The following MAP3K19 variants were observed in gnomAD, a reference collection of about 807,000 sequenced individuals.
MAP3K19 encodes mitogen-activated protein kinase kinase kinase 19, also known as SPS1/STE20-related protein kinase YSK4.
A neutral mutation model predicts 114.4 loss-of-function variants in MAP3K19; 91 were observed. The ratio of observed to expected loss-of-function variants is 0.80; its 90% CI spans 0.67 to 0.95. MAP3K19 has a LOEUF of 0.95. Ranked by LOEUF, MAP3K19 falls within the 40% of genes least tolerant of loss-of-function variation. The pLI is 0.00. For missense variants in MAP3K19, 1,471 were observed against 1,573.2 expected, an observed-to-expected ratio of 0.94 and a Z score of 1.10; for synonymous variants, 518 against 530.5, an observed-to-expected ratio of 0.98 and a Z score of 0.32.
At chr2:135,000,594 G>A (rs570164588) in intron 6 of MAP3K19, among the ~76,000 whole-genome samples, 3 of 152,180 alleles carry the variant, frequency 2.0e-5, no homozygotes, top group Admixed American at 6.5e-5. Context: ...TCCATTTAAC[G>A]AACTTTTATT....
At chr2:135,030,041 C>T (rs1285791471) in intron 3 of MAP3K19, among the ~76,000 whole-genome samples, 3 of 152,130 alleles carry the variant, frequency 2.0e-5, no homozygotes, top group African/African-American at 4.8e-5. Flanking sequence ...CTGGAGGCTT[C>T]CTGGGAGCAA....
chr2:135,028,647 C>T (rs997491078), intron 3 of MAP3K19, among the ~76,000 whole-genome samples: 3 of 152,056 alleles, frequency 2.0e-5, no homozygotes, highest in African/African-American at 4.8e-5. Context: ...TAATTTGATG[C>T]CTTAATGAAA....
chr2:135,025,903 G>T (rs1688243326), intron 3 of MAP3K19, among the ~76,000 whole-genome samples: 1 of 152,304 alleles, frequency 6.6e-6, no homozygotes, highest in East Asian at 1.9e-4. Context: ...ATAGATTACA[G>T]TGAGGGAAAC....
chr2:135,042,420 T>A (rs1485807167), intron 1 of MAP3K19, among the ~76,000 whole-genome samples: 1 of 146,192 alleles, frequency 6.8e-6, no homozygotes, highest in African/African-American at 2.5e-5. Flanking sequence ...GAGAATGGCG[T>A]GAACCCAGGA....
chr2:135,021,931 A>G (rs534567137), intron 4 of MAP3K19, 101 bp from the exon 5 acceptor site: 1 of 670,524 alleles, frequency 1.5e-6, no homozygotes, highest in African/African-American at 1.9e-5. Flanking sequence ...CATTTTGTCA[A>G]AGATTTTCCT....
chr2:134,998,954 C>T lies in MAP3K19; in HGVS notation c.358G>A (p.Val120Ile). Reference protein sequence around the residue: ...SLQEWAQAHAVSHPNEIETVE... With the variant: ...SLQEWAQAHAISHPNEIETVE... ...GTTTCTATTTCATTTGGATGAGAAA[C>T]TGCATGTGCTTGTGCCCATTCTTGA... The change falls in exon 8 of 13, where the codon GTT becomes ATT. Residue 120 changes from valine to isoleucine, a missense_variant. Transcript: ENST00000392915. 1 of 1,614,136 alleles carries T rather than the reference C, an allele frequency of 6.2e-7. No individual in the cohort carries two copies.
At chr2:134,968,141 A>C (rs1008064050) in intron 12 of MAP3K19, among the ~76,000 whole-genome samples, 1 of 152,136 alleles carries the variant, frequency 6.6e-6, no homozygotes, top group East Asian at 1.9e-4. Flanking sequence ...CCCTGAGTGG[A>C]CACAGCACAT....
At chr2:135,037,593 C>G (rs1456552246) in intron 2 of MAP3K19, among the ~76,000 whole-genome samples, 1 of 152,112 alleles carries the variant, frequency 6.6e-6, no homozygotes, top group Non-Finnish European at 1.5e-5. Context: ...CTCCATGGGT[C>G]TCTTACATTT....
At chr2:135,009,083 C>T (rs1687033027) in intron 5 of MAP3K19, among the ~76,000 whole-genome samples, 1 of 151,608 alleles carries the variant, frequency 6.6e-6, no homozygotes, top group African/African-American at 2.4e-5. Flanking sequence ...TCCCAAGTAG[C>T]TGGGGTTACA....
intron 11 of MAP3K19, 33 bp from the exon 12 acceptor site, chr2:134,981,551 A>T: frequency 6.8e-7 from 1 of 1,468,230 alleles, no homozygotes; most frequent in Non-Finnish European, 9.4e-7. Context: ...TTGTTATTAA[A>T]TTAATGACAT....
chr2:134,998,766 A>C lies in MAP3K19; in HGVS notation c.546T>G (p.Phe182Leu). The C allele has an allele frequency of 1.2e-6, 2 of 1,601,118 alleles. No homozygotes were observed. The highest frequency in any genetic ancestry group is 1.7e-6 in the Non-Finnish European group (2 of 1,173,042). Residue 182 changes from phenylalanine (F) to leucine (L), a missense_variant, in exon 8 of 13, where the codon TTT (phenylalanine) becomes TTG (leucine). Transcript: ENST00000392915. ...KSVTREDAPH[F>L]LKEQQRKSEE... is the part of the protein sequence containing the mutation. The stretch of plus-strand genomic sequence containing the variant: ...CAGATTTTCTTTGCTGCTCCTTCAG[A>C]AAATGAGGAGCATCTTCTCTGGTTA...
chr2:135,023,493 A>G (rs567621491), intron 4 of MAP3K19: 6 of 533,378 alleles, frequency 1.1e-5, no homozygotes, highest in Non-Finnish European at 2.3e-5. Flanking sequence ...CCAGTCCTAC[A>G]GAAACTTGCT....
At chr2:135,022,071 A>C (rs988643841) in intron 4 of MAP3K19, among the ~76,000 whole-genome samples, 1 of 152,164 alleles carries the variant, frequency 6.6e-6, no homozygotes, top group Non-Finnish European at 1.5e-5. Context: ...CTGCTATTAC[A>C]TAAGGACAAA....
chr2:134,993,467 A>C (rs1685755555), intron 8 of MAP3K19, among the ~76,000 whole-genome samples: 3 of 152,168 alleles, frequency 2.0e-5, no homozygotes, highest in Admixed American at 1.3e-4. Flanking sequence ...AGTGGCCAAC[A>C]CTGTCCCAGA....
intron 12 of MAP3K19, among the ~76,000 whole-genome samples, chr2:134,972,241 C>T (rs1232866307): frequency 1.3e-5 from 2 of 152,018 alleles, no homozygotes; most frequent in Non-Finnish European, 2.9e-5. Context: ...CTGCCCTACT[C>T]CTATCCTCCT....
chr2:135,011,676 T>C (rs1274198497), intron 5 of MAP3K19, among the ~76,000 whole-genome samples: 1 of 151,908 alleles, frequency 6.6e-6, no homozygotes, highest in Non-Finnish European at 1.5e-5. Context: ...GTTGTTTGTT[T>C]GTTTGTTTGT....
intron 12 of MAP3K19, among the ~76,000 whole-genome samples, chr2:134,968,982 G>A (rs1245860752): frequency 6.6e-6 from 1 of 152,180 alleles, no homozygotes; most frequent in Non-Finnish European, 1.5e-5. Context: ...TGGGCATTTT[G>A]GGAGGCCAAG....
chr2:135,024,683 C>G lies in MAP3K19; in HGVS notation c.-36G>C, dbSNP rs776177024. 6.3e-7 allele frequency: 1 copy of G among 1,593,378 alleles called. No homozygotes were observed. Among genetic ancestry groups the G allele is most frequent in the Non-Finnish European group, 8.6e-7 (1 of 1,161,836 alleles). On this transcript the variant is annotated 5_prime_UTR_variant, in exon 4 of 13. It removes the in-frame stop codon of an upstream open reading frame in the 5' UTR. Coordinates refer to ENST00000392915, the MANE Select transcript of MAP3K19 (RefSeq NM_025052.5). ...AAAAGCTGCTGTTTCTTTGAACTCT[C>G]TATTTGTGACACATAATGTATTGCT...
rs1478200109 is a variant in MAP3K19 at position 134,965,415 on chromosome 2, C to T, written c.3921-499G>A. On this transcript the variant is annotated intron_variant, in intron 12 of 12. Coordinates refer to ENST00000392915, the MANE Select transcript of MAP3K19 (RefSeq NM_025052.5). ...CCCGTTTTGGGCACTCCTGGATTAA[C>T]GTAAGATAGAGGGAGACAGTTGTTC... is the stretch of plus-strand genomic sequence containing the variant. Among the ~76,000 whole-genome samples, 5 of 152,134 alleles carry T rather than the reference C, an allele frequency of 3.3e-5. 1 individual carries two copies. The highest frequency in any genetic ancestry group is 6.4e-3 in the Middle Eastern group (2 of 314).
Sources: gnomAD v4.1 joint callset for allele counts (sites outside exome capture counted in the v4.1 genomes callset) on GRCh38, gnomAD v4.1.1 for gene constraint, MANE v1.5 for transcripts, NCBI Gene and HGNC (gene_info 2026-07-23, HGNC 2026-07-21) for gene names.